The following MCF2L2 variants were observed in gnomAD, a reference collection of about 807,000 sequenced individuals.
The protein encoded by MCF2L2 is probable guanine nucleotide exchange factor MCF2L2.
MCF2L2 carries 102 observed loss-of-function variants against 150.2 expected under a neutral mutation model. That is an observed-to-expected ratio of 0.68 (90% CI 0.58 to 0.80). The LOEUF (loss-of-function observed/expected upper bound fraction) is 0.80, where lower values mean the gene tolerates loss of function less well. MCF2L2 is among the 30% of genes least tolerant of loss of function. The pLI, the probability that MCF2L2 is intolerant of heterozygous loss-of-function variation, is 0.00. For missense variants in MCF2L2, 1,256 were observed against 1,372.8 expected, an observed-to-expected ratio of 0.91 and a Z score of 1.34; for synonymous variants, 465 against 491.3, an observed-to-expected ratio of 0.95 and a Z score of 0.71.
intron 3 of MCF2L2, chr3:183,371,972 T>C (rs80142473): frequency 0.11 from 17,228 of 151,478 alleles, 1,125 homozygotes; most frequent in East Asian, 0.25. Flanking sequence ...TGTGGGCAAA[T>C]TGTGAGGGAG....
intron 13 of MCF2L2, among the ~76,000 whole-genome samples, chr3:183,294,891 G>A (rs1728401875): frequency 6.6e-6 from 1 of 151,906 alleles, no homozygotes; most frequent in Admixed American, 6.6e-5. Flanking sequence ...GGCTCCCAAA[G>A]TGCTGGGATT....
intron 1 of MCF2L2, among the ~76,000 whole-genome samples, chr3:183,410,710 T>C (rs965593186): frequency 2.6e-5 from 4 of 152,266 alleles, no homozygotes; most frequent in African/African-American, 9.6e-5. Flanking sequence ...ACATTCTTAA[T>C]GATTCTAAAA....
intron 3 of MCF2L2, among the ~76,000 whole-genome samples, chr3:183,348,471 T>C (rs1245919837): frequency 6.6e-6 from 1 of 151,274 alleles, no homozygotes; most frequent in South Asian, 2.1e-4. Flanking sequence ...GTGTAGATGA[T>C]GGGTTGATGG....
At chr3:183,342,100 C>T (rs1347029913) in intron 3 of MCF2L2, among the ~76,000 whole-genome samples, 3 of 152,162 alleles carry the variant, frequency 2.0e-5, no homozygotes, top group Non-Finnish European at 4.4e-5. Context: ...GGAAAAGCAA[C>T]CCCCTGGCAG....
intron 27 of MCF2L2, among the ~76,000 whole-genome samples, chr3:183,186,934 T>C (rs1346868764): frequency 1.3e-5 from 2 of 152,252 alleles, no homozygotes; most frequent in Non-Finnish European, 2.9e-5. Flanking sequence ...GGATTTGTAT[T>C]TTTATTTGTA....
chr3:183,234,907 C>T (rs1723749842), intron 15 of MCF2L2, among the ~76,000 whole-genome samples: 2 of 108,002 alleles, frequency 1.9e-5, no homozygotes, highest in African/African-American at 7.7e-5. Flanking sequence ...TCCATGTGAT[C>T]TCATTGTTCA....
chr3:183,260,738 T>G (rs1016951563), intron 15 of MCF2L2, among the ~76,000 whole-genome samples: 4 of 152,206 alleles, frequency 2.6e-5, no homozygotes, highest in African/African-American at 9.7e-5. Flanking sequence ...TGAGTTTACA[T>G]AGGTGGAGAT....
At chr3:183,269,162 T>C (rs1466007433) in intron 15 of MCF2L2, among the ~76,000 whole-genome samples, 1 of 151,684 alleles carries the variant, frequency 6.6e-6, no homozygotes, top group Non-Finnish European at 1.5e-5. Context: ...TTCAAGTCAG[T>C]ATATTCATGA....
In MCF2L2 at chr3:183,389,629, G is replaced by A; in HGVS notation, c.160+67C>T. 3.0e-6 allele frequency: 4 copies of A among 1,342,696 alleles called. No individual in the cohort carries two copies. The South Asian group carries it at 4.7e-5, about 16-fold the overall frequency. The allele number at this position is 1,342,696 out of a possible 1,614,324, so 83.2% of individuals were successfully genotyped here. On this transcript the variant is annotated intron_variant, in intron 2 of 29. Transcript: ENST00000328913. ...GAGTATAACATTCCTCAAGGTTCAA[G>A]AGGCTGGACCTTCCCATCAAGACCC...
At chr3:183,257,811 G>A (rs1355447668) in intron 15 of MCF2L2, among the ~76,000 whole-genome samples, 1 of 151,536 alleles carries the variant, frequency 6.6e-6, no homozygotes, top group Non-Finnish European at 1.5e-5. Context: ...CCTTTTTTCC[G>A]TTTTTTCCCT....
intron 5 of MCF2L2, among the ~76,000 whole-genome samples, chr3:183,331,889 T>C (rs557103781): frequency 1.4e-4 from 22 of 152,156 alleles, no homozygotes; most frequent in Admixed American, 1.2e-3. Context: ...ACAAAAACCA[T>C]TTACTACATG....
chr3:183,409,275 G>A (rs755851231), intron 1 of MCF2L2, among the ~76,000 whole-genome samples: 12 of 152,048 alleles, frequency 7.9e-5, no homozygotes, highest in Non-Finnish European at 1.5e-4. Flanking sequence ...CTCAGTAATA[G>A]CACTTTGTCA....
intron 1 of MCF2L2, among the ~76,000 whole-genome samples, chr3:183,397,402 G>A (rs1714526100): frequency 1.3e-5 from 2 of 152,310 alleles, no homozygotes; most frequent in South Asian, 2.1e-4. Context: ...AGATGGAAGA[G>A]GGAGGCAGCT....
chr3:183,384,749 C>G (rs1157041203), intron 2 of MCF2L2, among the ~76,000 whole-genome samples: 1 of 152,214 alleles, frequency 6.6e-6, no homozygotes, highest in Non-Finnish European at 1.5e-5. Context: ...TACTCTTTCT[C>G]TATTGTAATT....
intron 11 of MCF2L2, chr3:183,298,836 A>G (rs1020580990): frequency 6.6e-6 from 1 of 152,306 alleles, no homozygotes; most frequent in African/African-American, 2.4e-5. Context: ...TTGGGAAAAC[A>G]GCAGCTGATC....
At chr3:183,229,561 T>C in intron 17 of MCF2L2, 105 bp downstream of exon 17, 1 of 608,082 alleles carries the variant, frequency 1.6e-6, no homozygotes, top group Non-Finnish European at 2.9e-6. Context: ...AACCACTTGC[T>C]TAAACCTGAA....
At chr3:183,284,439 C>T (rs1006198735) in intron 14 of MCF2L2, among the ~76,000 whole-genome samples, 10 of 152,182 alleles carry the variant, frequency 6.6e-5, no homozygotes, top group Non-Finnish European at 8.8e-5. Context: ...TGGTGACTCA[C>T]GCCTGTAATC....
chr3:183,340,837 G>A (rs1439872306), intron 4 of MCF2L2, among the ~76,000 whole-genome samples: 1 of 152,166 alleles, frequency 6.6e-6, no homozygotes, highest in Non-Finnish European at 1.5e-5. Context: ...CAGCTACTTG[G>A]GAGGCTGAGG....
At chr3:183,413,293 A>G (rs933935805) in intron 1 of MCF2L2, among the ~76,000 whole-genome samples, 1 of 152,226 alleles carries the variant, frequency 6.6e-6, no homozygotes, top group Non-Finnish European at 1.5e-5. Context: ...TTAACAGTTG[A>G]TTAACACTAA....
Sources: gnomAD v4.1 joint callset for allele counts (sites outside exome capture counted in the v4.1 genomes callset) on GRCh38, gnomAD v4.1.1 for gene constraint, MANE v1.5 for transcripts, NCBI Gene and HGNC (gene_info 2026-07-23, HGNC 2026-07-21) for gene names.